The following PLXDC2 variants were observed in gnomAD, a reference collection of about 807,000 sequenced individuals.
PLXDC2 encodes the protein plexin domain-containing protein 2.
In PLXDC2, 40 loss-of-function variants were observed where a neutral mutation model predicts 68.9. The observed-to-expected ratio is 0.58, with a 90% CI of 0.45 to 0.76. PLXDC2 has a LOEUF of 0.76. Ranked by LOEUF, PLXDC2 falls within the 30% of genes least tolerant of loss-of-function variation. The probability of loss-of-function intolerance (pLI) is 0.00; values close to 1 mark genes in which losing one functional copy is unlikely to be tolerated. For missense variants in PLXDC2, 644 were observed against 661.9 expected, an observed-to-expected ratio of 0.97 and a Z score of 0.30; for synonymous variants, 243 against 234.2, an observed-to-expected ratio of 1.04 and a Z score of -0.34.
chr10:19,892,240 C>T (rs1837978335), intron 1 of PLXDC2, among the ~76,000 whole-genome samples: 1 of 152,154 alleles, frequency 6.6e-6, no homozygotes, highest in South Asian at 2.1e-4. Context: ...CTTACAACCA[C>T]TTAAGGAGGT....
chr10:19,949,029 CT>C (rs1435950354), intron 1 of PLXDC2, among the ~76,000 whole-genome samples: 2 of 142,246 alleles, frequency 1.4e-5, no homozygotes, highest in African/African-American at 2.6e-5. Context: ...ACTTGAGAGA[CT>C]GAGGCAGAAT....
intron 12 of PLXDC2, among the ~76,000 whole-genome samples, chr10:20,223,149 G>A (rs1040932748): frequency 2.0e-5 from 3 of 151,836 alleles, no homozygotes; most frequent in Non-Finnish European, 4.4e-5. Flanking sequence ...TCCCTGACTT[G>A]GTCTATTATT....
intron 1 of PLXDC2, among the ~76,000 whole-genome samples, chr10:19,825,203 A>G (rs951269645): frequency 1.4e-4 from 21 of 152,022 alleles, no homozygotes; most frequent in African/African-American, 5.1e-4. Flanking sequence ...TTCCTCAATT[A>G]TTTTTTACTC....
At chr10:19,977,914 A>C (rs1045838740) in intron 1 of PLXDC2, among the ~76,000 whole-genome samples, 1 of 152,134 alleles carries the variant, frequency 6.6e-6, no homozygotes, top group Non-Finnish European at 1.5e-5. Context: ...GAAAAATGTA[A>C]ACATTTAGTT....
At chr10:20,004,082 GA>G (rs1005310496) in intron 2 of PLXDC2, among the ~76,000 whole-genome samples, 1 of 151,904 alleles carries the variant, frequency 6.6e-6, no homozygotes, top group Non-Finnish European at 1.5e-5. Context: ...CATTATTTAA[GA>G]AAAAAAACTC....
At position 20,218,660 on chromosome 10, in the gene PLXDC2, C is replaced by T. The variant is rs909931868; in HGVS notation, c.1274-404C>T. On this transcript the variant is annotated intron_variant, in intron 11 of 13. Coordinates refer to ENST00000377252, the MANE Select transcript of PLXDC2 (RefSeq NM_032812.9). ...TTGGAGTTAAATTTGTAAATATTGA[C>T]AAATCTTAACTGTCACAATGAATTT... 3.9e-5 allele frequency among the ~76,000 whole-genome samples: 6 copies of T among 152,090 alleles called. No individual in the cohort carries two copies. The South Asian group carries it at 6.2e-4, about 16-fold the overall frequency.
At chr10:19,944,975 A>T (rs1185400633) in intron 1 of PLXDC2, among the ~76,000 whole-genome samples, 1 of 152,070 alleles carries the variant, frequency 6.6e-6, no homozygotes, top group Non-Finnish European at 1.5e-5. Context: ...ACAAAACAAA[A>T]AAAGAAACAG....
chr10:20,141,168 C>T lies in PLXDC2; in HGVS notation c.542-2127C>T, dbSNP rs76572243. 2.4e-4 allele frequency among the ~76,000 whole-genome samples: 37 copies of T among 152,016 alleles called. 1 individual carries two copies. Among genetic ancestry groups the T allele is most frequent in the Non-Finnish European group, 4.3e-4 (29 of 67,922 alleles). ...ATTGTAGATTTGGGAAACATTTTCCCGATCAAAAGAAATAACAGTTAATGG... is the reference window on the plus strand; with the variant it reads ...ATTGTAGATTTGGGAAACATTTTCCTGATCAAAAGAAATAACAGTTAATGG... On this transcript the variant is annotated intron_variant, in intron 4 of 13. Coordinates refer to ENST00000377252, the MANE Select transcript of PLXDC2 (RefSeq NM_032812.9).
In PLXDC2 at chr10:20,177,079, A is replaced by G; in HGVS notation, c.964A>G (p.Met322Val). 1 of 1,608,162 alleles carries G rather than the reference A, an allele frequency of 6.2e-7. No homozygotes were observed. Among genetic ancestry groups the G allele is most frequent in the Non-Finnish European group, 8.5e-7 (1 of 1,175,432 alleles). ...AATTACCAACATTTCGGCTGTGGAG[A>G]TGACCCCATTACCCAGTAAGCGAAT... ...SKITNISAVE[M>V]TPLPTCLQFN... The change falls in exon 8 of 14, where the codon ATG becomes GTG. Residue 322 changes from methionine (M) to valine (V), a missense_variant. By Grantham distance (21) the Met-to-Val change is conservative. Around this residue, in one of 3 missense-constraint regions of PLXDC2, gnomAD observed 330 missense variants for 327.9 expected, o/e 1.01. Coordinates refer to ENST00000377252, the MANE Select transcript of PLXDC2 (RefSeq NM_032812.9).
chr10:19,885,904 G>A (rs530985949), intron 1 of PLXDC2, among the ~76,000 whole-genome samples: 2 of 152,152 alleles, frequency 1.3e-5, no homozygotes, highest in South Asian at 4.2e-4. Flanking sequence ...GTCATTGGTA[G>A]CTTGATGGGG....
At position 20,282,042 on chromosome 10, in the gene PLXDC2, CA is replaced by C. The variant is rs1315885690; in HGVS notation, c.*2227del. 1 of 151,972 alleles carries C rather than the reference CA, an allele frequency of 6.6e-6. No individual in the cohort carries two copies. The highest frequency in any genetic ancestry group is 2.4e-5 in the African/African-American group (1 of 41,370). The allele number at this position is 151,972 out of a possible 1,614,324, so 9.4% of individuals were successfully genotyped here. ...CTATTTTGATTCAAAACAATTGATT[CA>C]AAACAATTTTGAATCAATTTTCTAT... is the stretch of plus-strand genomic sequence containing the variant. On this transcript the variant is annotated 3_prime_UTR_variant, in exon 14 of 14. Coordinates refer to ENST00000377252, the MANE Select transcript of PLXDC2 (RefSeq NM_032812.9).
chr10:20,109,533 C>G (rs1052991631), intron 4 of PLXDC2, among the ~76,000 whole-genome samples: 1 of 152,162 alleles, frequency 6.6e-6, no homozygotes, highest in African/African-American at 2.4e-5. Context: ...CTTTCTTCAT[C>G]TAGGACATTC....
chr10:19,976,329 T>C lies in PLXDC2; in HGVS notation c.113-25446T>C, dbSNP rs537827467. Among the ~76,000 whole-genome samples the C allele has an allele frequency of 2.6e-5, 4 of 152,246 alleles. No individual in the cohort carries two copies. In the South Asian group the frequency reaches 8.3e-4, roughly 32 times the overall value. On this transcript the variant is annotated intron_variant, in intron 1 of 13. Coordinates refer to ENST00000377252, the MANE Select transcript of PLXDC2 (RefSeq NM_032812.9). Reference sequence around the variant, plus strand: ...CCGAGGTTCAAGTGATTCTCATGCCTCAGCCTCCCGAGTAGCTGGAATTAC... The same window carrying C: ...CCGAGGTTCAAGTGATTCTCATGCCCCAGCCTCCCGAGTAGCTGGAATTAC...
chr10:19,825,284 T>C (rs1286777212), intron 1 of PLXDC2, among the ~76,000 whole-genome samples: 1 of 152,184 alleles, frequency 6.6e-6, no homozygotes, highest in East Asian at 1.9e-4. Flanking sequence ...GTGTAGCTCA[T>C]TGAGGCTTTG....
At chr10:19,928,956 T>C (rs1833584034) in intron 1 of PLXDC2, among the ~76,000 whole-genome samples, 1 of 151,686 alleles carries the variant, frequency 6.6e-6, no homozygotes, top group Admixed American at 6.6e-5. Context: ...AGTTTCACCA[T>C]GTTGACCAGG....
chr10:20,124,177 A>G (rs546364302), intron 4 of PLXDC2, among the ~76,000 whole-genome samples: 1 of 152,286 alleles, frequency 6.6e-6, no homozygotes, highest in Non-Finnish European at 1.5e-5. Flanking sequence ...GCATCCCTGC[A>G]ATGATTCAAC....
At position 20,287,992 on chromosome 10, in the gene PLXDC2, G is replaced by C. The variant is rs867996367; in HGVS notation, c.*8173G>C. Reference sequence around the variant, plus strand: ...CACTTCTTGCGGCGGGGGAGGGGGGGGGGGCGGTGGCTTTCCAGATTTTAT... The same window carrying C: ...CACTTCTTGCGGCGGGGGAGGGGGGCGGGGCGGTGGCTTTCCAGATTTTAT... On this transcript the variant is annotated 3_prime_UTR_variant, in exon 14 of 14. Coordinates refer to ENST00000377252, the MANE Select transcript of PLXDC2 (RefSeq NM_032812.9). The C allele has an allele frequency of 9.7e-6, 1 of 103,444 alleles. No individual in the cohort carries two copies. The highest frequency in any genetic ancestry group is 2.0e-5 in the Non-Finnish European group (1 of 49,266). 6.4% of individuals were successfully genotyped at this position (103,444 alleles called of 1,614,324 possible).
intron 4 of PLXDC2, among the ~76,000 whole-genome samples, chr10:20,137,604 G>A (rs911947882): frequency 3.3e-5 from 5 of 152,174 alleles, no homozygotes; most frequent in African/African-American, 7.2e-5. Flanking sequence ...TGGAATTTTC[G>A]CACAGACAGA....
intron 6 of PLXDC2, among the ~76,000 whole-genome samples, chr10:20,161,564 T>A (rs1407747984): frequency 6.6e-6 from 1 of 151,418 alleles, no homozygotes; most frequent in Non-Finnish European, 1.5e-5. Flanking sequence ...AAGCCATTGA[T>A]TGAGGCCATT....
Sources: gnomAD v4.1 joint callset for allele counts (sites outside exome capture counted in the v4.1 genomes callset) on GRCh38, gnomAD v4.1.1 for gene constraint, gnomAD v4.1.1 regional missense constraint, MANE v1.5 for transcripts, NCBI Gene and HGNC (gene_info 2026-07-23, HGNC 2026-07-21) for gene names.